The following OPCML variants were observed in gnomAD, a reference collection of about 807,000 sequenced individuals.
The protein encoded by OPCML is opioid-binding protein/cell adhesion molecule.
Under a neutral mutation model 37.8 loss-of-function variants are expected in OPCML, and 13 were observed. The ratio of observed to expected loss-of-function variants is 0.34; its 90% confidence interval spans 0.22 to 0.55. The LOEUF (loss-of-function observed/expected upper bound fraction) is 0.55. Among genes scored for constraint, OPCML ranks in the 20% least tolerant of loss-of-function variants. The probability of loss-of-function intolerance (pLI) is 0.91; values close to 1 mark genes in which losing one functional copy is unlikely to be tolerated. For missense variants in OPCML, 341 were observed against 435.6 expected, an observed-to-expected ratio of 0.78 and a Z score of 1.93; for synonymous variants, 176 against 168.8, an observed-to-expected ratio of 1.04 and a Z score of -0.33.
In OPCML at chr11:133,033,082, A is replaced by G. The variant is rs149407759; in HGVS notation, c.62-90072T>C. On this transcript the variant is annotated intron_variant, in intron 1 of 7. Coordinates refer to ENST00000524381, the MANE Select transcript of OPCML (RefSeq NM_001012393.5). ...GTCCATTTGTTCAAGGACTAAAAATAGATTCATTAAAAAAAGAATGCAGAT... is the reference window on the plus strand; with the variant it reads ...GTCCATTTGTTCAAGGACTAAAAATGGATTCATTAAAAAAAGAATGCAGAT... Among the ~76,000 whole-genome samples the G allele has an allele frequency of 1.8e-3, 275 of 152,356 alleles. 1 individual carries two copies. Among genetic ancestry groups the G allele is most frequent in the African/African-American group, 6.3e-3 (262 of 41,582 alleles).
chr11:132,853,495 G>A (rs564407548), intron 2 of OPCML, among the ~76,000 whole-genome samples: 2 of 152,210 alleles, frequency 1.3e-5, no homozygotes, highest in Admixed American at 1.3e-4. Context: ...ACCCTTTTTA[G>A]GGATATAGTT....
intron 2 of OPCML, among the ~76,000 whole-genome samples, chr11:132,792,292 GA>G (rs971147513): frequency 7.6e-5 from 11 of 145,594 alleles, no homozygotes; most frequent in Middle Eastern, 3.6e-3. Context: ...CTGCCAAAGA[GA>G]AAAAAAAAAG....
chr11:132,855,153 A>G (rs1942003485), intron 2 of OPCML, among the ~76,000 whole-genome samples: 1 of 152,180 alleles, frequency 6.6e-6, no homozygotes, highest in South Asian at 2.1e-4. Flanking sequence ...CCTATGGATA[A>G]CATCACTATT....
At chr11:132,645,437 AT>A (rs1184677880) in intron 3 of OPCML, among the ~76,000 whole-genome samples, 1 of 152,186 alleles carries the variant, frequency 6.6e-6, no homozygotes, top group Non-Finnish European at 1.5e-5. Flanking sequence ...TTTTGCTATT[AT>A]TTTTATGGAT....
At chr11:132,531,849 C>T (rs1282897525) in intron 3 of OPCML, among the ~76,000 whole-genome samples, 1 of 151,712 alleles carries the variant, frequency 6.6e-6, no homozygotes, top group Non-Finnish European at 1.5e-5. Flanking sequence ...AGCAACAACT[C>T]GAGTGCAACT....
At chr11:132,439,822 C>A (rs1030699104) in intron 4 of OPCML, among the ~76,000 whole-genome samples, 1 of 151,896 alleles carries the variant, frequency 6.6e-6, no homozygotes, top group Admixed American at 6.6e-5. Context: ...AATTAAATTG[C>A]ATTGCATTTA....
intron 1 of OPCML, among the ~76,000 whole-genome samples, chr11:133,429,039 T>C (rs150570446): frequency 8.1e-4 from 123 of 152,286 alleles, no homozygotes; most frequent in African/African-American, 2.5e-3. Flanking sequence ...GACTCTGATA[T>C]ATACAACAAT....
chr11:132,458,602 A>T (rs895954712), intron 4 of OPCML, among the ~76,000 whole-genome samples: 3 of 152,330 alleles, frequency 2.0e-5, no homozygotes, highest in Admixed American at 2.0e-4. Flanking sequence ...GCTTATCAAC[A>T]TTTGCCATGT....
chr11:133,196,917 C>T (rs1045387748), intron 1 of OPCML, among the ~76,000 whole-genome samples: 1 of 152,158 alleles, frequency 6.6e-6, no homozygotes, highest in Non-Finnish European at 1.5e-5. Flanking sequence ...ATTCTGTGTA[C>T]AATTTGACAT....
intron 1 of OPCML, among the ~76,000 whole-genome samples, chr11:133,286,317 TAAA>T: frequency 6.6e-6 from 1 of 151,000 alleles, no homozygotes; most frequent in East Asian, 2.0e-4. Context: ...TAAATAAAAA[TAAA>T]TAAGCCGGGC....
At chr11:132,717,737 G>C (rs1944543280) in intron 2 of OPCML, among the ~76,000 whole-genome samples, 1 of 152,124 alleles carries the variant, frequency 6.6e-6, no homozygotes, top group South Asian at 2.1e-4. Flanking sequence ...TGAAAGGTAA[G>C]GGACAGCTTC....
At chr11:133,196,314 C>A (rs1301798990) in intron 1 of OPCML, among the ~76,000 whole-genome samples, 1 of 152,232 alleles carries the variant, frequency 6.6e-6, no homozygotes, top group Non-Finnish European at 1.5e-5. Context: ...TTAATGCATC[C>A]ATTCAAGCAG....
chr11:133,246,881 G>A (rs1388523534), intron 1 of OPCML, among the ~76,000 whole-genome samples: 2 of 152,200 alleles, frequency 1.3e-5, no homozygotes, highest in Non-Finnish European at 2.9e-5. Flanking sequence ...GGTAGAATTG[G>A]CAGGGTTGGT....
intron 1 of OPCML, among the ~76,000 whole-genome samples, chr11:132,967,963 C>T (rs1257871219): frequency 6.6e-6 from 1 of 152,158 alleles, no homozygotes; most frequent in African/African-American, 2.4e-5. Context: ...TGAAGAGCTT[C>T]CCTCATCTGT....
chr11:132,669,359 A>G (rs559707001), intron 2 of OPCML, among the ~76,000 whole-genome samples: 9 of 152,048 alleles, frequency 5.9e-5, no homozygotes, highest in African/African-American at 1.7e-4. Context: ...AACACATCCA[A>G]TTCCCTAAGG....
chr11:132,472,735 C>T (rs977295482), intron 4 of OPCML, among the ~76,000 whole-genome samples: 10 of 152,168 alleles, frequency 6.6e-5, no homozygotes, highest in African/African-American at 2.2e-4. Context: ...ACAATCTCTC[C>T]CCACTGGGAC....
chr11:132,895,858 G>T (rs1022688112), intron 2 of OPCML, among the ~76,000 whole-genome samples: 1 of 152,044 alleles, frequency 6.6e-6, no homozygotes, highest in Non-Finnish European at 1.5e-5. Context: ...GTCCCAGCAG[G>T]CCCCTAGAGG....
At chr11:132,917,065 A>G (rs1944631465) in intron 2 of OPCML, among the ~76,000 whole-genome samples, 1 of 152,142 alleles carries the variant, frequency 6.6e-6, no homozygotes, top group South Asian at 2.1e-4. Flanking sequence ...ACCAAGCCCA[A>G]GCTACCATAA....
At chr11:132,887,772 C>A (rs1333965963) in intron 2 of OPCML, among the ~76,000 whole-genome samples, 1 of 152,228 alleles carries the variant, frequency 6.6e-6, no homozygotes, top group Non-Finnish European at 1.5e-5. Context: ...AAGGGATCGG[C>A]AGATTCACAG....
Sources: gnomAD v4.1 joint callset for allele counts (sites outside exome capture counted in the v4.1 genomes callset) on GRCh38, gnomAD v4.1.1 for gene constraint, MANE v1.5 for transcripts, NCBI Gene and HGNC (gene_info 2026-07-23, HGNC 2026-07-21) for gene names.